Variants in RAD51B observed in about 807,000 individuals in gnomAD.
RAD51B encodes DNA repair protein RAD51 homolog 2.
In RAD51B, 38 loss-of-function variants were observed where a neutral mutation model predicts 42.2. The observed-to-expected ratio is 0.90, with a 90% CI of 0.70 to 1.18. The LOEUF is 1.18. Among genes scored for constraint, RAD51B ranks in the 50% most tolerant of loss-of-function variants. The pLI is 0.00. For synonymous variants in RAD51B, 154 were observed against 145.2 expected (o/e 1.06, Z -0.43); for missense variants, 373 against 400.7 (o/e 0.93, Z 0.59).
At chr14:68,277,100 G>A (rs2081240337) in intron 7 of RAD51B, among the ~76,000 whole-genome samples, 1 of 152,090 alleles carries the variant, frequency 6.6e-6, no homozygotes, top group Non-Finnish European at 1.5e-5. Context: ...TTAGTCCCAG[G>A]TATGGGTTTC....
intron 8 of RAD51B, among the ~76,000 whole-genome samples, chr14:68,409,152 T>G (rs563032601): frequency 6.6e-6 from 1 of 152,216 alleles, no homozygotes; most frequent in Non-Finnish European, 1.5e-5. Flanking sequence ...CACTTGAAAT[T>G]GGAGGAGGTA....
At chr14:68,454,634 T>C (rs190658488) in intron 9 of RAD51B, among the ~76,000 whole-genome samples, 111 of 152,330 alleles carry the variant, frequency 7.3e-4, no homozygotes, top group African/African-American at 2.5e-3. Context: ...AGAGAATTGC[T>C]ATTATTTGAC....
intron 7 of RAD51B, among the ~76,000 whole-genome samples, chr14:68,055,395 T>C (rs914096322): frequency 3.3e-5 from 5 of 152,178 alleles, no homozygotes; most frequent in African/African-American, 1.2e-4. Context: ...ATATTGTTTA[T>C]CTACAAATCA....
chr14:68,064,669 TTC>T (rs1251427183), intron 7 of RAD51B, among the ~76,000 whole-genome samples: 2 of 152,076 alleles, frequency 1.3e-5, no homozygotes, highest in African/African-American at 4.8e-5. Flanking sequence ...TTCCTGTTTT[TTC>T]TCTTTTATTC....
At chr14:67,972,396 AG>A in intron 7 of RAD51B, among the ~76,000 whole-genome samples, 1 of 152,086 alleles carries the variant, frequency 6.6e-6, no homozygotes, top group Admixed American at 6.6e-5. Flanking sequence ...AAAGCTGGGA[AG>A]GGCCTAGACT....
At chr14:68,074,526 C>A (rs191512000) in intron 7 of RAD51B, among the ~76,000 whole-genome samples, 20 of 152,334 alleles carry the variant, frequency 1.3e-4, no homozygotes, top group Non-Finnish European at 2.2e-4. Context: ...CTACGTCTGT[C>A]ATTTCGGCCA....
intron 10 of RAD51B, among the ~76,000 whole-genome samples, chr14:68,557,310 T>C (rs1888904112): frequency 1.3e-5 from 2 of 152,204 alleles, no homozygotes; most frequent in Admixed American, 6.5e-5. Context: ...GTACACATGC[T>C]CAGAGCACTT....
intron 10 of RAD51B, among the ~76,000 whole-genome samples, chr14:68,545,134 A>T (rs1206356750): frequency 6.6e-6 from 1 of 152,222 alleles, no homozygotes; most frequent in Non-Finnish European, 1.5e-5. Context: ...TTCTGTTCAG[A>T]TGGATAAGGG....
chr14:67,919,492 CTT>C (rs1243471158), intron 7 of RAD51B, among the ~76,000 whole-genome samples: 5 of 152,178 alleles, frequency 3.3e-5, no homozygotes, highest in Non-Finnish European at 7.4e-5. Context: ...TGCAAGCTGA[CTT>C]TACTCCATTA....
At chr14:68,023,444 C>T (rs921805433) in intron 7 of RAD51B, among the ~76,000 whole-genome samples, 1 of 152,078 alleles carries the variant, frequency 6.6e-6, no homozygotes, top group Non-Finnish European at 1.5e-5. Flanking sequence ...TCTCCTGCCT[C>T]GCCTCCTGAG....
At chr14:68,374,085 T>TGA (rs2083314205) in intron 8 of RAD51B, among the ~76,000 whole-genome samples, 2 of 152,188 alleles carry the variant, frequency 1.3e-5, no homozygotes, top group African/African-American at 4.8e-5. Context: ...GAAATGAAAC[T>TGA]CAACAAAGAA....
At chr14:67,837,646 TG>T (rs1305086717) in intron 4 of RAD51B, among the ~76,000 whole-genome samples, 2 of 152,152 alleles carry the variant, frequency 1.3e-5, no homozygotes, top group African/African-American at 4.8e-5. Context: ...GAGTTTTTTT[TG>T]CTTTTATTAC....
intron 7 of RAD51B, among the ~76,000 whole-genome samples, chr14:68,219,827 C>T (rs1736839452): frequency 6.6e-6 from 1 of 152,026 alleles, no homozygotes; most frequent in Non-Finnish European, 1.5e-5. Context: ...TTGATTCAAA[C>T]CAAGGTGAAA....
At chr14:68,591,710 A>T (rs1890749184) in intron 10 of RAD51B, among the ~76,000 whole-genome samples, 1 of 152,186 alleles carries the variant, frequency 6.6e-6, no homozygotes, top group East Asian at 1.9e-4. Context: ...TGCAACAAGG[A>T]TCTCTCACCC....
At chr14:68,678,941 C>T (rs1007083633) in intron 11 of RAD51B, among the ~76,000 whole-genome samples, 1 of 152,162 alleles carries the variant, frequency 6.6e-6, no homozygotes. Flanking sequence ...GAATCATAAC[C>T]AGATTTCCTC....
intron 10 of RAD51B, among the ~76,000 whole-genome samples, chr14:68,592,819 C>T (rs1437891098): frequency 6.6e-6 from 1 of 152,220 alleles, no homozygotes; most frequent in East Asian, 1.9e-4. Context: ...GTGATTTGAA[C>T]AGCTCCTATG....
rs368686926 is a variant in RAD51B at position 68,337,968 on chromosome 14, TG to T, written c.853+45989del. On this transcript the variant is annotated intron_variant, in intron 8 of 10. Coordinates refer to ENST00000471583, the MANE Select transcript of RAD51B (RefSeq NM_133510.4). ...TTAGTTTTTGTGTTTTGTTTTGTTT[TG>T]TTTTAAGAGATGGGGTCTCACTATA... is the stretch of plus-strand genomic sequence containing the variant. Among the ~76,000 whole-genome samples the T allele has an allele frequency of 9.1e-3, 1,383 of 152,028 alleles. 22 individuals carry two copies. The highest frequency in any genetic ancestry group is 0.032 in the African/African-American group (1,318 of 41,438).
chr14:68,306,864 G>T (rs1487758066), intron 8 of RAD51B, among the ~76,000 whole-genome samples: 1 of 152,174 alleles, frequency 6.6e-6, no homozygotes, highest in Admixed American at 6.5e-5. Flanking sequence ...TGCCATCAGG[G>T]AAGGAATCTA....
intron 10 of RAD51B, among the ~76,000 whole-genome samples, chr14:68,469,458 G>T (rs991922679): frequency 1.3e-5 from 2 of 152,228 alleles, no homozygotes; most frequent in Admixed American, 1.3e-4. Flanking sequence ...ACGAAATTTG[G>T]GGTGAGAACT....
Sources: allele counts gnomAD v4.1 joint callset (sites outside exome capture counted in the v4.1 genomes callset), GRCh38; gene constraint gnomAD v4.1.1; transcripts MANE v1.5; gene names NCBI Gene and HGNC (gene_info 2026-07-23, HGNC 2026-07-21).